The following GAREM1 variants were observed in gnomAD, a reference collection of about 807,000 sequenced individuals.
GAREM1 encodes GRB2 associated regulator of MAPK1 subtype 1.
In GAREM1, 26 loss-of-function variants were observed where a neutral mutation model predicts 71.3. That is an observed-to-expected ratio of 0.36 (90% CI 0.27 to 0.51). The LOEUF is 0.51. GAREM1 is among the 20% of genes least tolerant of loss of function. The probability of loss-of-function intolerance (pLI) is 0.95; values close to 1 mark genes in which losing one functional copy is unlikely to be tolerated. For missense variants in GAREM1, 1,026 were observed against 1,103.1 expected (o/e 0.93, Z 0.99); for synonymous variants, 440 against 433.2 (o/e 1.02, Z -0.20).
At chr18:32,388,650 G>C (rs1461929532) in intron 2 of GAREM1, among the ~76,000 whole-genome samples, 1 of 152,136 alleles carries the variant, frequency 6.6e-6, no homozygotes, top group African/African-American at 2.4e-5. Flanking sequence ...AAATCACGAG[G>C]ACACGGGGAA....
chr18:32,389,098 T>C (rs2048173252), intron 2 of GAREM1, among the ~76,000 whole-genome samples: 1 of 151,504 alleles, frequency 6.6e-6, no homozygotes, highest in Admixed American at 6.6e-5. Flanking sequence ...AAAACAAATG[T>C]GGCAAAATGA....
intron 1 of GAREM1, among the ~76,000 whole-genome samples, chr18:32,430,007 A>G (rs572283341): frequency 6.6e-6 from 1 of 152,238 alleles, no homozygotes. Flanking sequence ...AGGACATGAT[A>G]TAACAATTTG....
At chr18:32,347,869 T>C (rs968671171) in intron 2 of GAREM1, among the ~76,000 whole-genome samples, 1 of 152,196 alleles carries the variant, frequency 6.6e-6, no homozygotes, top group Non-Finnish European at 1.5e-5. Context: ...ATTTCACTCG[T>C]GTGTCAGGTC....
chr18:32,277,857 G>A (rs913758827), intron 4 of GAREM1, among the ~76,000 whole-genome samples: 2 of 152,184 alleles, frequency 1.3e-5, no homozygotes, highest in Non-Finnish European at 2.9e-5. Context: ...GGAAAGCAGA[G>A]TTACATGTAG....
At chr18:32,428,406 G>A (rs2048594400) in intron 1 of GAREM1, among the ~76,000 whole-genome samples, 1 of 152,034 alleles carries the variant, frequency 6.6e-6, no homozygotes, top group African/African-American at 2.4e-5. Flanking sequence ...TGGATGATGG[G>A]GGTGGTTTCT....
chr18:32,433,184 T>C (rs1010753914), intron 1 of GAREM1, among the ~76,000 whole-genome samples: 16 of 150,966 alleles, frequency 1.1e-4, no homozygotes, highest in Admixed American at 3.9e-4. Flanking sequence ...CAGGATCGTA[T>C]CAATTGATGT....
At chr18:32,336,609 C>T (rs1242945668) in intron 2 of GAREM1, among the ~76,000 whole-genome samples, 1 of 152,090 alleles carries the variant, frequency 6.6e-6, no homozygotes, top group East Asian at 1.9e-4. Context: ...GGGATTTATA[C>T]AATTATTGAA....
intron 2 of GAREM1, among the ~76,000 whole-genome samples, chr18:32,365,368 T>C (rs2047920695): frequency 6.6e-6 from 1 of 152,176 alleles, no homozygotes; most frequent in Admixed American, 6.5e-5. Context: ...ATATTATCAT[T>C]CCAAACCCAA....
intron 1 of GAREM1, among the ~76,000 whole-genome samples, chr18:32,442,623 C>T (rs1364023670): frequency 1.3e-5 from 2 of 152,104 alleles, no homozygotes; most frequent in African/African-American, 4.8e-5. Context: ...TGCCAGAACT[C>T]AACTTTAATA....
At chr18:32,464,484 T>C (rs888570173) in intron 1 of GAREM1, among the ~76,000 whole-genome samples, 1 of 152,028 alleles carries the variant, frequency 6.6e-6, no homozygotes, top group Non-Finnish European at 1.5e-5. Flanking sequence ...CGAGAACCCA[T>C]CTCTTTTTTT....
chr18:32,388,448 T>C (rs977571547), intron 2 of GAREM1, among the ~76,000 whole-genome samples: 2 of 152,030 alleles, frequency 1.3e-5, no homozygotes, highest in Non-Finnish European at 2.9e-5. Context: ...AAGAGCAAGA[T>C]AGTTACAGAG....
rs535922228 is a variant in GAREM1, at chr18:32,312,683, T to C, written c.263-2360A>G. Among the ~76,000 whole-genome samples, 123 of 152,196 alleles carry C rather than the reference T, an allele frequency of 8.1e-4. 1 individual carries two copies. The highest frequency in any genetic ancestry group is 2.8e-3 in the African/African-American group (116 of 41,524). ...GGAAATGTTTTTATTTTCCTTAGTATGATGGGAGAAGAAACAAGCATGCTT... is the reference window on the plus strand; with the variant it reads ...GGAAATGTTTTTATTTTCCTTAGTACGATGGGAGAAGAAACAAGCATGCTT... On this transcript the variant is annotated intron_variant, in intron 2 of 5. Coordinates refer to ENST00000269209, the MANE Select transcript of GAREM1 (RefSeq NM_001242409.2).
chr18:32,350,622 A>G (rs1284212348), intron 2 of GAREM1, among the ~76,000 whole-genome samples: 2 of 152,234 alleles, frequency 1.3e-5, no homozygotes, highest in Non-Finnish European at 2.9e-5. Flanking sequence ...ATTTGAAAAC[A>G]GCATTTCAAT....
chr18:32,448,546 T>C (rs1251708637), intron 1 of GAREM1, among the ~76,000 whole-genome samples: 1 of 152,238 alleles, frequency 6.6e-6, no homozygotes, highest in African/African-American at 2.4e-5. Flanking sequence ...AGGTATGGGC[T>C]TTGTGACAGG....
intron 1 of GAREM1, among the ~76,000 whole-genome samples, chr18:32,430,997 T>C (rs2048619249): frequency 6.6e-6 from 1 of 152,146 alleles, no homozygotes; most frequent in South Asian, 2.1e-4. Context: ...AGTGATCCTA[T>C]AAATTTGAGT....
intron 2 of GAREM1, among the ~76,000 whole-genome samples, chr18:32,355,423 A>G (rs1028942823): frequency 2.0e-5 from 3 of 148,636 alleles, no homozygotes; most frequent in African/African-American, 7.8e-5. Context: ...TATTTTATCT[A>G]GATTTCTATT....
rs2041404240 is a variant in GAREM1, at chr18:32,268,254, C to T, written c.2248G>A (p.Gly750Ser). Residue 750 changes from glycine to serine, a missense_variant, in exon 6 of 6, where the codon GGT becomes AGT. Gly to Ser is a moderately conservative substitution (Grantham distance 56). This residue lies in a region of GAREM1 where 636 missense variants were observed against 631.2 expected (regional missense o/e 1.01). Coordinates refer to ENST00000269209, the MANE Select transcript of GAREM1 (RefSeq NM_001242409.2). Reference protein sequence around the residue: ...ETSPLPLKIDGAEEDPKSGSP... With the variant: ...ETSPLPLKIDSAEEDPKSGSP... ...CCAGACTTGGGGTCTTCCTCAGCAC[C>T]ATCAATTTTCAGAGGCAAAGGAGAT... 5 of 1,614,104 alleles carry T rather than the reference C, an allele frequency of 3.1e-6. No individual in the cohort carries two copies. The South Asian group carries it at 5.5e-5, about 18-fold the overall frequency.
chr18:32,332,553 C>T (rs1227664829), intron 2 of GAREM1, among the ~76,000 whole-genome samples: 3 of 152,072 alleles, frequency 2.0e-5, no homozygotes, highest in African/African-American at 4.8e-5. Flanking sequence ...GTAAGTGCAG[C>T]GTGGCAGCTG....
intron 2 of GAREM1, among the ~76,000 whole-genome samples, chr18:32,377,661 T>A (rs2048044921): frequency 6.6e-6 from 1 of 152,204 alleles, no homozygotes; most frequent in African/African-American, 2.4e-5. Context: ...CCTCCCAGGT[T>A]CGAGCAATTC....
Sources: allele counts gnomAD v4.1 joint callset (sites outside exome capture counted in the v4.1 genomes callset), GRCh38; gene constraint gnomAD v4.1.1; regional missense constraint gnomAD v4.1.1; transcripts MANE v1.5; gene names NCBI Gene and HGNC (gene_info 2026-07-23, HGNC 2026-07-21).